The following IFT25 variants were observed in gnomAD, a reference collection of about 807,000 sequenced individuals.
IFT25 encodes the protein intraflagellar transport 25, also known as intraflagellar transport protein 25 homolog.
At chr1:53,914,930 G>C in the IFT25 span, among the ~76,000 whole-genome samples, 3 of 152,084 alleles carry the variant, frequency 2.0e-5, no homozygotes, top group Non-Finnish European at 4.4e-5. Context: ...GCCTAGACTT[G>C]GTACATGGTA....
chr1:53,935,630 C>CTT, the IFT25 span, among the ~76,000 whole-genome samples: 26 of 143,208 alleles, frequency 1.8e-4, no homozygotes, highest in Admixed American at 4.2e-4. Context: ...GCCAGAACTA[C>CTT]TTTTTTTTTT....
chr1:53,929,343 T>G, the IFT25 span, among the ~76,000 whole-genome samples: 1 of 152,216 alleles, frequency 6.6e-6, no homozygotes, highest in Non-Finnish European at 1.5e-5. Context: ...CAGGGCTAGT[T>G]ACAGCTTCCT....
At chr1:53,944,778 T>C in the IFT25 span, among the ~76,000 whole-genome samples, 1 of 151,246 alleles carries the variant, frequency 6.6e-6, no homozygotes, top group African/African-American at 2.5e-5. Flanking sequence ...TTACAATCCC[T>C]GACCCTGGTA....
the IFT25 span, among the ~76,000 whole-genome samples, chr1:53,930,940 TTTTC>T: frequency 1.3e-5 from 2 of 152,234 alleles, no homozygotes; most frequent in Non-Finnish European, 1.5e-5. Flanking sequence ...CTATATAAGC[TTTTC>T]TTTTTTTGGA....
chr1:53,924,836 C>T, the IFT25 span, among the ~76,000 whole-genome samples: 2 of 151,980 alleles, frequency 1.3e-5, no homozygotes, highest in African/African-American at 4.8e-5. Flanking sequence ...GACTCCATCT[C>T]AAAAAACAAC....
the IFT25 span, among the ~76,000 whole-genome samples, chr1:53,940,663 G>A: frequency 6.6e-6 from 1 of 152,030 alleles, no homozygotes; most frequent in Non-Finnish European, 1.5e-5. Context: ...TGTCTGGCAA[G>A]GTAAATTTCC....
the IFT25 span, among the ~76,000 whole-genome samples, chr1:53,933,812 T>G: frequency 6.6e-6 from 1 of 152,180 alleles, no homozygotes; most frequent in African/African-American, 2.4e-5. Flanking sequence ...CTCTCCTGTT[T>G]CTGAGTGAAT....
At chr1:53,942,325 C>T in the IFT25 span, among the ~76,000 whole-genome samples, 1 of 152,046 alleles carries the variant, frequency 6.6e-6, no homozygotes, top group Admixed American at 6.5e-5. Flanking sequence ...TTTTGTATGG[C>T]CCACAAGCTA....
chr1:53,944,318 A>C, the IFT25 span, among the ~76,000 whole-genome samples: 6 of 152,300 alleles, frequency 3.9e-5, no homozygotes, highest in East Asian at 7.7e-4. Context: ...AGCCTGGGCA[A>C]CATGGTGAAA....
chr1:53,921,628 C>A, the IFT25 span: 1 of 1,330,048 alleles, frequency 7.5e-7, no homozygotes, highest in South Asian at 1.2e-5. Flanking sequence ...GTTAAAAAAT[C>A]ATGCAAGAGC....
chr1:53,941,119 T>G, the IFT25 span, among the ~76,000 whole-genome samples: 3 of 151,894 alleles, frequency 2.0e-5, no homozygotes, highest in South Asian at 6.2e-4. Flanking sequence ...CTCAGCCTCC[T>G]GAATAGCTGG....
At chr1:53,920,926 A>C in the IFT25 span, among the ~76,000 whole-genome samples, 2 of 151,952 alleles carry the variant, frequency 1.3e-5, no homozygotes, top group Non-Finnish European at 2.9e-5. Flanking sequence ...TAATCCTAGC[A>C]CTTTGGGAGG....
the IFT25 span, among the ~76,000 whole-genome samples, chr1:53,926,722 A>ATTT: frequency 3.7e-4 from 53 of 143,402 alleles, no homozygotes; most frequent in African/African-American, 1.2e-3. Flanking sequence ...CACATTCTAG[A>ATTT]TTTTTTTTTT....
chr1:53,925,614 G>A, the IFT25 span, among the ~76,000 whole-genome samples: 1 of 149,860 alleles, frequency 6.7e-6, no homozygotes, highest in African/African-American at 2.5e-5. Context: ...GCAGTGAGCC[G>A]AGATCACGCC....
At chr1:53,945,486 C>T in the IFT25 span, 2 of 152,720 alleles carry the variant, frequency 1.3e-5, no homozygotes, top group Non-Finnish European at 2.9e-5. Context: ...ACATCCCCGT[C>T]CTTCTGCCTT....
At chr1:53,935,949 A>G in the IFT25 span, among the ~76,000 whole-genome samples, 1 of 152,160 alleles carries the variant, frequency 6.6e-6, no homozygotes. Context: ...AACATAAAAT[A>G]TCACCTGAAT....
the IFT25 span, chr1:53,929,815 G>C: frequency 0.16 from 91,137 of 565,556 alleles, 11,587 homozygotes; most frequent in African/African-American, 0.53. Flanking sequence ...TTTGCAGTTT[G>C]AGAGAGGCCA....
the IFT25 span, among the ~76,000 whole-genome samples, chr1:53,922,421 TA>T: frequency 6.6e-6 from 1 of 151,620 alleles, no homozygotes; most frequent in Non-Finnish European, 1.5e-5. Context: ...AGTGTCTTTC[TA>T]AAGTATTTTT....
the IFT25 span, among the ~76,000 whole-genome samples, chr1:53,937,608 C>A: frequency 1.3e-5 from 2 of 152,038 alleles, no homozygotes; most frequent in South Asian, 2.1e-4. Flanking sequence ...ATGGACAGAG[C>A]CTAAAATATT....
Sources: gnomAD v4.1 joint callset for allele counts (sites outside exome capture counted in the v4.1 genomes callset) on GRCh38, gnomAD v4.1.1 for gene constraint, MANE v1.5 for transcripts, NCBI Gene and HGNC (gene_info 2026-07-23, HGNC 2026-07-21) for gene names.